Variants in PRKD1 observed in about 807,000 individuals in gnomAD.
PRKD1 encodes protein kinase D1.
A neutral mutation model predicts 95.9 loss-of-function variants in PRKD1; 63 were observed. The ratio of observed to expected loss-of-function variants is 0.66; its 90% CI spans 0.54 to 0.81. PRKD1 has a LOEUF of 0.81. Ranked by LOEUF, PRKD1 falls within the 30% of genes least tolerant of loss-of-function variation. The pLI, the probability that PRKD1 is intolerant of heterozygous loss-of-function variation, is 0.00. For synonymous variants in PRKD1, 425 were observed against 423.1 expected (o/e 1.00, Z -0.05); for missense variants, 1,048 against 1,165.3 (o/e 0.90, Z 1.47).
rs538772249 is a variant in PRKD1, at chr14:29,758,147, C to T, written c.265-32473G>A. ...TTTCCTAACGGAGTAAATAAAAAAA[C>T]TCTCCCTACCAAGAGAGGGAGATTA... On this transcript the variant is annotated intron_variant, in intron 1 of 17. Transcript: ENST00000331968. Among the ~76,000 whole-genome samples the T allele has an allele frequency of 1.2e-4, 18 of 150,894 alleles. 1 individual carries two copies. The Middle Eastern group carries it at 0.01, about 86-fold the overall frequency.
At chr14:29,772,281 A>G (rs1888544006) in intron 1 of PRKD1, among the ~76,000 whole-genome samples, 1 of 152,180 alleles carries the variant, frequency 6.6e-6, no homozygotes, top group Non-Finnish European at 1.5e-5. Flanking sequence ...TTAAGAAGTG[A>G]GGCCTTTAAG....
At chr14:29,908,237 GAATT>G (rs1196727798) in intron 1 of PRKD1, among the ~76,000 whole-genome samples, 3 of 151,666 alleles carry the variant, frequency 2.0e-5, no homozygotes, top group South Asian at 2.1e-4. Flanking sequence ...TTAATCTTAG[GAATT>G]AATTTTAGTA....
chr14:29,743,445 T>G (rs1887071183), intron 1 of PRKD1, among the ~76,000 whole-genome samples: 1 of 152,144 alleles, frequency 6.6e-6, no homozygotes, highest in Non-Finnish European at 1.5e-5. Context: ...AAAGCTAGTT[T>G]GAACACAGAG....
chr14:29,660,415 G>A (rs1241400338), intron 4 of PRKD1, among the ~76,000 whole-genome samples: 2 of 152,134 alleles, frequency 1.3e-5, no homozygotes, highest in African/African-American at 4.8e-5. Flanking sequence ...ATTTTGGGTT[G>A]GATACTTCTT....
chr14:29,713,044 C>T (rs573214248), intron 2 of PRKD1, among the ~76,000 whole-genome samples: 1 of 152,246 alleles, frequency 6.6e-6, no homozygotes, highest in African/African-American at 2.4e-5. Flanking sequence ...TTTTAATGAT[C>T]ACTGATCTTG....
At chr14:29,888,166 A>T (rs1476145482) in intron 1 of PRKD1, among the ~76,000 whole-genome samples, 1 of 152,044 alleles carries the variant, frequency 6.6e-6, no homozygotes, top group Non-Finnish European at 1.5e-5. Flanking sequence ...TTAGGCAGGC[A>T]TGTTGGCATG....
intron 1 of PRKD1, among the ~76,000 whole-genome samples, chr14:29,759,612 T>C (rs1887879725): frequency 6.6e-6 from 1 of 152,228 alleles, no homozygotes; most frequent in South Asian, 2.1e-4. Context: ...TGGATTAAGT[T>C]TGAGTGTCAT....
intron 1 of PRKD1, among the ~76,000 whole-genome samples, chr14:29,841,087 C>T (rs1029832329): frequency 2.0e-5 from 3 of 152,202 alleles, no homozygotes; most frequent in African/African-American, 2.4e-5. Context: ...TTCTTTTGGC[C>T]GATTTCTCTC....
intron 1 of PRKD1, among the ~76,000 whole-genome samples, chr14:29,872,445 G>GGT (rs1893141784): frequency 7.3e-5 from 11 of 151,704 alleles, no homozygotes; most frequent in Admixed American, 6.6e-4. Flanking sequence ...GGTGGATCAC[G>GGT]AGTCAGGACC....
In PRKD1 at chr14:29,592,742, A is replaced by G. The variant is rs568645773; in HGVS notation, c.2434+4749T>C. The G allele has an allele frequency of 4.9e-4, 74 of 152,312 alleles. 1 individual carries two copies. Among genetic ancestry groups the G allele is most frequent in the Admixed American group, 4.8e-3 (73 of 15,286 alleles). 9.4% of individuals were successfully genotyped at this position (152,312 alleles called of 1,614,324 possible). A position where few individuals can be genotyped will look rare whatever the true frequency, so the allele number is the denominator to read the frequency against. On this transcript the variant is annotated intron_variant, in intron 16 of 17. Coordinates refer to ENST00000331968, the MANE Select transcript of PRKD1 (RefSeq NM_002742.3). Reference sequence around the variant, plus strand: ...GGAATTAGCATCACCATATCAGAAAAGAAAACTGAGACCTAAGAGAACAAG... The same window carrying G: ...GGAATTAGCATCACCATATCAGAAAGGAAAACTGAGACCTAAGAGAACAAG...
chr14:29,675,338 C>T (rs1474691969), intron 2 of PRKD1, among the ~76,000 whole-genome samples: 1 of 152,164 alleles, frequency 6.6e-6, no homozygotes, highest in Admixed American at 6.5e-5. Flanking sequence ...ATACATACAA[C>T]TCAAGACCAA....
At chr14:29,814,332 C>T (rs1022236570) in intron 1 of PRKD1, among the ~76,000 whole-genome samples, 18 of 152,204 alleles carry the variant, frequency 1.2e-4, no homozygotes, top group Non-Finnish European at 2.6e-4. Flanking sequence ...ACTGCATCTT[C>T]CTCTTTCCAA....
intron 11 of PRKD1, 74 bp from the exon 12 acceptor site, chr14:29,626,630 T>C: frequency 1.3e-6 from 1 of 743,374 alleles, no homozygotes; most frequent in Non-Finnish European, 2.0e-6. Flanking sequence ...AATATAATTC[T>C]ATTAAATATA....
intron 8 of PRKD1, among the ~76,000 whole-genome samples, chr14:29,633,801 A>G (rs1335720386): frequency 1.3e-5 from 2 of 152,182 alleles, no homozygotes; most frequent in African/African-American, 2.4e-5. Context: ...AGATAGATCA[A>G]TTAGGTTATA....
intron 10 of PRKD1, among the ~76,000 whole-genome samples, chr14:29,629,783 T>C (rs1879862270): frequency 6.6e-6 from 1 of 152,166 alleles, no homozygotes; most frequent in Non-Finnish European, 1.5e-5. Context: ...CTTCCTGGGA[T>C]AAAGTGATCA....
At chr14:29,734,400 G>A (rs1375211392) in intron 1 of PRKD1, among the ~76,000 whole-genome samples, 1 of 152,014 alleles carries the variant, frequency 6.6e-6, no homozygotes, top group Non-Finnish European at 1.5e-5. Context: ...TGAGCAGTTG[G>A]ACTTTGTTGC....
intron 4 of PRKD1, among the ~76,000 whole-genome samples, chr14:29,639,378 G>T (rs1024975937): frequency 6.6e-6 from 1 of 152,164 alleles, no homozygotes; most frequent in Admixed American, 6.5e-5. Context: ...CCAGCACTTT[G>T]GGAGGCCAAG....
At chr14:29,733,817 T>C (rs934246417) in intron 1 of PRKD1, among the ~76,000 whole-genome samples, 7 of 152,146 alleles carry the variant, frequency 4.6e-5, no homozygotes, top group African/African-American at 1.2e-4. Flanking sequence ...CCTAACCATA[T>C]ATACCCAGTA....
chr14:29,761,670 A>G (rs894961991), intron 1 of PRKD1, among the ~76,000 whole-genome samples: 118 of 152,144 alleles, frequency 7.8e-4, no homozygotes, highest in Admixed American at 2.6e-3. Flanking sequence ...TAAAAAAGAG[A>G]GCACAGTATA....
Sources: gnomAD v4.1 joint callset for allele counts (sites outside exome capture counted in the v4.1 genomes callset) on GRCh38, gnomAD v4.1.1 for gene constraint, MANE v1.5 for transcripts, NCBI Gene and HGNC (gene_info 2026-07-23, HGNC 2026-07-21) for gene names.